DNAH11: variants seen among roughly 807,000 people sequenced by gnomAD.
DNAH11 encodes axonemal beta dynein heavy chain 11.
DNAH11 carries 442 observed loss-of-function variants against 526.0 expected under a neutral mutation model. The ratio of observed to expected loss-of-function variants is 0.84; its 90% confidence interval spans 0.78 to 0.91. DNAH11 has a LOEUF of 0.91. Among genes scored for constraint, DNAH11 ranks in the 40% least tolerant of loss-of-function variants. DNAH11 has a pLI of 0.00. For missense variants in DNAH11, 6,989 were observed against 5,448.7 expected (o/e 1.28, Z -8.90); for synonymous variants, 2,461 against 1,935.9 (o/e 1.27, Z -7.12).
rs371825927 is a variant in DNAH11 at position 21,588,232 on chromosome 7, C to T, written c.1848+31C>T. On this transcript the variant is annotated intron_variant, in intron 10 of 81. Coordinates refer to ENST00000409508, the MANE Select transcript of DNAH11 (RefSeq NM_001277115.2). ...TGGTGGATAAGGTTGGACACATTTA[C>T]AATATCATTTAGGCGGATAATGACC... 3.9e-5 allele frequency: 63 copies of T among 1,595,874 alleles called. No homozygotes were observed. In the African/African-American group the frequency reaches 8.1e-4, roughly 20 times the overall value.
At chr7:21,874,374 C>T (rs566414994) in intron 74 of DNAH11, among the ~76,000 whole-genome samples, 2 of 151,198 alleles carry the variant, frequency 1.3e-5, no homozygotes, top group East Asian at 2.0e-4. Flanking sequence ...TTGCTCTTGT[C>T]GCCCAGGCTG....
intron 58 of DNAH11, 62 bp from the exon 59 acceptor site, chr7:21,786,562 A>C: frequency 7.1e-5 from 108 of 1,518,240 alleles, no homozygotes; most frequent in Non-Finnish European, 9.2e-5. Context: ...GGCAACTTAC[A>C]GAGCTTCTCC....
Position 21,601,026 on chromosome 7 carries a change from C to T in DNAH11, c.3272C>T (p.Ala1091Val). Residue 1091 changes from alanine (A) to valine (V), a missense_variant, in exon 17 of 82, where the codon GCT (alanine) becomes GTT (valine). Transcript: ENST00000409508. ...QFKEQIDIYEALYVQMSKFED... is the reference protein window; with the variant it reads ...QFKEQIDIYEVLYVQMSKFED... ...TCACTACAGATTGACATTTATGAAG[C>T]TTTGTATGTTCAAATGAGCAAATTT... 1 of 1,611,528 alleles carries T rather than the reference C, an allele frequency of 6.2e-7. No individual in the cohort carries two copies. Among genetic ancestry groups the T allele is most frequent in the Non-Finnish European group, 8.5e-7 (1 of 1,179,450 alleles).
chr7:21,862,827 C>G (rs1263924452), intron 69 of DNAH11, among the ~76,000 whole-genome samples: 4 of 151,962 alleles, frequency 2.6e-5, no homozygotes, highest in East Asian at 1.9e-4. Flanking sequence ...CCTGTAATCC[C>G]AGCACTTTGG....
At chr7:21,789,970 C>T (rs1788404098) in intron 61 of DNAH11, among the ~76,000 whole-genome samples, 2 of 136,586 alleles carry the variant, frequency 1.5e-5, no homozygotes, top group African/African-American at 5.4e-5. Context: ...GCTTGTTACA[C>T]AGGTAAATAT....
intron 14 of DNAH11, among the ~76,000 whole-genome samples, chr7:21,595,587 A>G (rs11768411): frequency 6.6e-6 from 1 of 152,108 alleles, no homozygotes; most frequent in African/African-American, 2.4e-5. Flanking sequence ...ATCTATTCAG[A>G]TGGGGAAGGG....
At chr7:21,767,846 G>C (rs1176277381) in intron 55 of DNAH11, among the ~76,000 whole-genome samples, 1 of 152,022 alleles carries the variant, frequency 6.6e-6, no homozygotes, top group African/African-American at 2.4e-5. Context: ...CCTTTTTTAA[G>C]ACTGAAAGTT....
At chr7:21,772,281 C>T (rs564278847) in intron 55 of DNAH11, among the ~76,000 whole-genome samples, 4 of 152,066 alleles carry the variant, frequency 2.6e-5, no homozygotes, top group South Asian at 2.1e-4. Context: ...GAGCTTTCAG[C>T]GCCTCCAAGG....
chr7:21,771,325 G>T lies in DNAH11; in HGVS notation c.9103-2441G>T, dbSNP rs536997960. On this transcript the variant is annotated intron_variant, in intron 55 of 81. Coordinates refer to ENST00000409508, the MANE Select transcript of DNAH11 (RefSeq NM_001277115.2). ...CTAAACTGATTTAGTGCTGACCTCT[G>T]GGTATTGGTTTATATTCAACTCTGC... Among the ~76,000 whole-genome samples, 107 of 152,232 alleles carry T rather than the reference G, an allele frequency of 7.0e-4. 1 individual carries two copies. The highest frequency in any genetic ancestry group is 2.5e-3 in the African/African-American group (103 of 41,520).
intron 11 of DNAH11, 66 bp downstream of exon 11, chr7:21,588,702 A>T: frequency 6.4e-7 from 1 of 1,560,408 alleles, no homozygotes; most frequent in Non-Finnish European, 8.8e-7. Flanking sequence ...TATATAAGAG[A>T]GTGAGCTGTT....
intron 20 of DNAH11, among the ~76,000 whole-genome samples, chr7:21,612,659 C>G (rs1785580010): frequency 1.3e-5 from 2 of 150,830 alleles, no homozygotes; most frequent in South Asian, 4.2e-4. Flanking sequence ...ATTCCAGGAA[C>G]CTGAAGAAGA....
chr7:21,735,504 A>G lies in DNAH11; in HGVS notation c.7441-136A>G. Reference sequence around the variant, plus strand: ...GTGGAATCTCTCCTGTTGGGTGCTAATCTGAACTATGAATTATTTGGATTT... The same window carrying G: ...GTGGAATCTCTCCTGTTGGGTGCTAGTCTGAACTATGAATTATTTGGATTT... On this transcript the variant is annotated intron_variant, in intron 45 of 81. Coordinates refer to ENST00000409508, the MANE Select transcript of DNAH11 (RefSeq NM_001277115.2). 5.3e-6 allele frequency: 4 copies of G among 755,424 alleles called. No homozygotes were observed. The South Asian group carries it at 5.7e-5, about 11-fold the overall frequency. The allele number at this position is 755,424 out of a possible 1,614,324, so 46.8% of individuals were successfully genotyped here. A position where few individuals can be genotyped will look rare whatever the true frequency, so the allele number is the denominator to read the frequency against.
At chr7:21,639,146 C>T in intron 28 of DNAH11, 81 bp downstream of exon 28, 1 of 1,451,514 alleles carries the variant, frequency 6.9e-7, no homozygotes, top group African/African-American at 1.4e-5. Context: ...TCAAATGCTA[C>T]CTGTCATGTC....
Position 21,834,835 on chromosome 7 carries a change from G to A in DNAH11, c.10692-7709G>A, listed in dbSNP as rs149494846. ...ATACCAGTCTAGCACTCCAGCCTGG[G>A]TGACAGAGTGAGATGCTGTCCCAAA... is the stretch of plus-strand genomic sequence containing the variant. On this transcript the variant is annotated intron_variant, in intron 65 of 81. Transcript: ENST00000409508. Among the ~76,000 whole-genome samples, 849 of 152,126 alleles carry A rather than the reference G, an allele frequency of 5.6e-3. 7 individuals carry two copies. The highest frequency in any genetic ancestry group is 0.019 in the African/African-American group (794 of 41,524).
At chr7:21,673,805 T>C (rs1287623920) in intron 30 of DNAH11, among the ~76,000 whole-genome samples, 1 of 152,212 alleles carries the variant, frequency 6.6e-6, no homozygotes, top group Non-Finnish European at 1.5e-5. Flanking sequence ...CTTTTTCTCA[T>C]CACCACAACC....
chr7:21,626,613 A>G (rs781533747), intron 25 of DNAH11, among the ~76,000 whole-genome samples: 1 of 151,814 alleles, frequency 6.6e-6, no homozygotes, highest in Admixed American at 6.6e-5. Flanking sequence ...AGCAGCATCC[A>G]TTTTTGCCTA....
chr7:21,588,696 TA>T, intron 11 of DNAH11, 60 bp downstream of exon 11: 1 of 1,568,842 alleles, frequency 6.4e-7, no homozygotes. Flanking sequence ...ACATTTTATA[TA>T]AGAGAGTGAG....
chr7:21,744,456 C>G lies in DNAH11; in HGVS notation c.8173C>G (p.Pro2725Ala), dbSNP rs1786054104. Residue 2725 changes from proline to alanine, a missense_variant, in exon 50 of 82, where the codon CCT (proline) becomes GCT (alanine). By Grantham distance (27) the Pro-to-Ala change is conservative. Transcript: ENST00000409508. ...NVFQGILFAS[P>A]ECLKGPLDLI... ...CTTGTAGGGGATTTTATTTGCTTCT[C>G]CTGAGTGTTTAAAAGGTCCACTTGA... 1 of 1,613,598 alleles carries G rather than the reference C, an allele frequency of 6.2e-7. No homozygotes were observed. Among genetic ancestry groups the G allele is most frequent in the African/African-American group, 1.3e-5 (1 of 74,892 alleles).
At position 21,720,794 on chromosome 7, in the gene DNAH11, T is replaced by G. The variant is rs899982346; in HGVS notation, c.7204T>G (p.Tyr2402Asp). The change falls in exon 44 of 82, where the codon TAT becomes GAT. Residue 2402 changes from tyrosine (Y) to aspartate (D), a missense_variant. Tyr to Asp is a radical substitution (Grantham distance 160, BLOSUM62 -3). Transcript: ENST00000409508. ...NVPSDSPKEV[Y>D]EVYFVFACIW... ...ACCTTCTGACAGCCCAAAAGAAGTT[T>G]ATGAAGTCTATTTTGTATTTGCTTG... 6.2e-7 allele frequency: 1 copy of G among 1,610,984 alleles called. No homozygotes were observed. The highest frequency in any genetic ancestry group is 2.2e-5 in the East Asian group (1 of 44,836).
Sources: gnomAD v4.1 joint callset for allele counts (sites outside exome capture counted in the v4.1 genomes callset) on GRCh38, gnomAD v4.1.1 for gene constraint, MANE v1.5 for transcripts, NCBI Gene and HGNC (gene_info 2026-07-23, HGNC 2026-07-21) for gene names.